HMGB1: variants seen among roughly 807,000 people sequenced by gnomAD.
The protein encoded by HMGB1 is high mobility group box 1, also known as high mobility group protein B1.
For missense variants in HMGB1, 79 were observed against 253.5 expected (o/e 0.31, Z 4.67); for synonymous variants, 81 against 84.0 (o/e 0.96, Z 0.19).
chr13:30,478,928 G>A (rs1017184919), intron 1 of HMGB1, among the ~76,000 whole-genome samples: 4 of 150,534 alleles, frequency 2.7e-5, no homozygotes, highest in Non-Finnish European at 3.0e-5. Context: ...GAGTGCAGTG[G>A]CGCGATCTCA....
intron 1 of HMGB1, among the ~76,000 whole-genome samples, chr13:30,476,538 G>A (rs972548314): frequency 6.6e-6 from 1 of 152,182 alleles, no homozygotes; most frequent in Non-Finnish European, 1.5e-5. Context: ...TATTTAGCAT[G>A]TGTCTCCCAT....
chr13:30,560,188 G>A (rs2137523606), intron 1 of HMGB1, among the ~76,000 whole-genome samples: 1 of 152,252 alleles, frequency 6.6e-6, no homozygotes, highest in African/African-American at 2.4e-5. Context: ...CCCCCAAAGA[G>A]GCTGCAAGGG....
At chr13:30,494,089 C>T (rs1280350770) in intron 1 of HMGB1, among the ~76,000 whole-genome samples, 1 of 152,078 alleles carries the variant, frequency 6.6e-6, no homozygotes, top group Non-Finnish European at 1.5e-5. Context: ...TTAAAAATCT[C>T]CCATTGAGTG....
intron 1 of HMGB1, among the ~76,000 whole-genome samples, chr13:30,494,816 C>T (rs575576935): frequency 6.6e-6 from 1 of 152,304 alleles, no homozygotes; most frequent in East Asian, 1.9e-4. Flanking sequence ...CCTCCCCCAA[C>T]CCCTGTGCCA....
At chr13:30,608,269 T>C (rs1426233137) in intron 1 of HMGB1, among the ~76,000 whole-genome samples, 1 of 152,202 alleles carries the variant, frequency 6.6e-6, no homozygotes, top group Non-Finnish European at 1.5e-5. Context: ...AAATGTCTGT[T>C]GTTTTAAGCT....
chr13:30,489,765 C>T (rs1484919122), intron 1 of HMGB1, among the ~76,000 whole-genome samples: 4 of 144,844 alleles, frequency 2.8e-5, no homozygotes, highest in Non-Finnish European at 6.0e-5. Context: ...GACGGAGTCT[C>T]GCTCTGTCGC....
intron 1 of HMGB1, among the ~76,000 whole-genome samples, chr13:30,491,510 A>T (rs568356803): frequency 6.7e-6 from 1 of 149,012 alleles, no homozygotes; most frequent in African/African-American, 2.6e-5. Context: ...AAAAAATATA[A>T]AAATTAGCTG....
At chr13:30,591,520 T>G (rs375732684) in intron 1 of HMGB1, among the ~76,000 whole-genome samples, 1 of 151,844 alleles carries the variant, frequency 6.6e-6, no homozygotes, top group Admixed American at 6.6e-5. Context: ...TTTTTTTTTT[T>G]TTTCTTTTTG....
At chr13:30,533,941 C>T (rs1043460717) in intron 1 of HMGB1, among the ~76,000 whole-genome samples, 4 of 150,470 alleles carry the variant, frequency 2.7e-5, no homozygotes, top group East Asian at 2.0e-4. Context: ...CTCGGCTCAC[C>T]GCAACCTCCG....
At chr13:30,556,282 G>GTA (rs1869683923) in intron 1 of HMGB1, among the ~76,000 whole-genome samples, 1 of 152,186 alleles carries the variant, frequency 6.6e-6, no homozygotes, top group South Asian at 2.1e-4. Context: ...GTGAGCAACT[G>GTA]TAATCCCAGC....
At position 30,463,269 on chromosome 13, in the gene HMGB1, A is replaced by G. The variant is rs780215433; in HGVS notation, c.234T>C (p.Tyr78=). The change falls in exon 3 of 5, where the codon TAT becomes TAC. Residue 78 remains tyrosine (Y), a synonymous_variant. Transcript: ENST00000341423. ...TTTTTGTCTCCCCTTTGGGAGGGAT[A>G]TAGGTTTTCATTTCTCTTTCATAAC... The part of the protein sequence containing the change: ...KARYEREMKT[Y]IPPKGETKKK... The G allele has an allele frequency of 2.6e-5, 42 of 1,608,150 alleles. No homozygotes were observed. Among genetic ancestry groups the G allele is most frequent in the Non-Finnish European group, 3.1e-5 (36 of 1,179,122 alleles).
At chr13:30,539,770 G>A (rs1868776554) in intron 1 of HMGB1, 1 of 155,768 alleles carries the variant, frequency 6.4e-6, no homozygotes, top group Non-Finnish European at 1.4e-5. Flanking sequence ...ATCACTTAGG[G>A]GTAGGCTGAA....
chr13:30,586,084 G>A (rs935704994), intron 1 of HMGB1, among the ~76,000 whole-genome samples: 1 of 152,104 alleles, frequency 6.6e-6, no homozygotes, highest in African/African-American at 2.4e-5. Context: ...TATTTTTTAA[G>A]AGACTGGGTC....
At chr13:30,560,376 G>A (rs369169960) in intron 1 of HMGB1, among the ~76,000 whole-genome samples, 12 of 152,276 alleles carry the variant, frequency 7.9e-5, no homozygotes, top group Admixed American at 5.2e-4. Context: ...TAGCCTTAGC[G>A]AGAACAATTC....
intron 1 of HMGB1, among the ~76,000 whole-genome samples, chr13:30,538,474 C>CTTTCTTTCTT (rs1868566415): frequency 2.8e-5 from 1 of 36,066 alleles, no homozygotes; most frequent in African/African-American, 8.9e-5. Context: ...TTCTTTCTTT[C>CTTTCTTTCTT]TTTCTTTCTT....
chr13:30,490,827 G>A (rs1887473523), intron 1 of HMGB1, among the ~76,000 whole-genome samples: 2 of 151,890 alleles, frequency 1.3e-5, no homozygotes, highest in Non-Finnish European at 2.9e-5. Context: ...GATGTTGGTA[G>A]GTAGGCTTTC....
rs1886135735 is a variant in HMGB1 at position 30,459,019 on chromosome 13, ATCT to A, written c.*2335_*2337del. 1 of 152,192 alleles carries A rather than the reference ATCT, an allele frequency of 6.6e-6. No homozygotes were observed. The highest frequency in any genetic ancestry group is 1.5e-5 in the Non-Finnish European group (1 of 68,034). 9.4% of individuals were successfully genotyped at this position (152,192 alleles called of 1,614,324 possible). ...TCTTAGTTCATTAGTTTTAAAAAGC[ATCT>A]TCATTTTAAAAGTTGGCCCAATTAA... On this transcript the variant is annotated 3_prime_UTR_variant, in exon 5 of 5. Coordinates refer to ENST00000341423, the MANE Select transcript of HMGB1 (RefSeq NM_002128.7).
chr13:30,558,967 G>A (rs1869816407), intron 1 of HMGB1, among the ~76,000 whole-genome samples: 1 of 152,218 alleles, frequency 6.6e-6, no homozygotes, highest in Admixed American at 6.5e-5. Flanking sequence ...GACCAAACTT[G>A]TTGAAGGTTA....
intron 1 of HMGB1, among the ~76,000 whole-genome samples, chr13:30,576,213 T>A (rs771522710): frequency 3.9e-5 from 6 of 152,326 alleles, no homozygotes; most frequent in Non-Finnish European, 7.3e-5. Context: ...AATGGTGGAT[T>A]TTATTTGATG....
Sources: gnomAD v4.1 joint callset for allele counts (sites outside exome capture counted in the v4.1 genomes callset) on GRCh38, gnomAD v4.1.1 for gene constraint, MANE v1.5 for transcripts, NCBI Gene and HGNC (gene_info 2026-07-23, HGNC 2026-07-21) for gene names.